Variants in DMD observed in about 807,000 individuals in gnomAD.
The protein encoded by DMD is mutant dystrophin.
DMD carries 63 observed loss-of-function variants against 330.1 expected under a neutral mutation model. That is an observed-to-expected ratio of 0.19 (90% CI 0.16 to 0.24). The LOEUF is 0.24. Ranked by LOEUF, DMD falls within the 10% of genes least tolerant of loss-of-function variation. The probability of loss-of-function intolerance (pLI) is 1.00; values close to 1 mark genes in which losing one functional copy is unlikely to be tolerated. For missense variants in DMD, 3,344 were observed against 2,684.1 expected (o/e 1.25, Z -5.43); for synonymous variants, 1,223 against 959.8 (o/e 1.27, Z -5.07).
intron 44 of DMD, among the ~76,000 whole-genome samples, chrX:32,092,953 C>T (rs1360377420): frequency 9.1e-6 from 1 of 110,174 alleles, no homozygotes; most frequent in African/African-American, 3.3e-5. Flanking sequence ...TTCATTGTTT[C>T]TATTGCTCCC....
At chrX:32,018,559 A>C (rs1000194085) in intron 44 of DMD, among the ~76,000 whole-genome samples, 8 of 112,065 alleles carry the variant, frequency 7.1e-5, no homozygotes, top group African/African-American at 2.3e-4. Flanking sequence ...CCTAAGGCCA[A>C]TTCAGATCCT....
At chrX:33,030,439 T>C (rs2094088142) in intron 1 of DMD, among the ~76,000 whole-genome samples, 2 of 112,202 alleles carry the variant, frequency 1.8e-5, no homozygotes, top group Admixed American at 1.9e-4. Context: ...GATATTTCTG[T>C]GGTGCATTAT....
At chrX:31,511,710 C>T (rs2071617331) in intron 55 of DMD, among the ~76,000 whole-genome samples, 1 of 108,745 alleles carries the variant, frequency 9.2e-6, no homozygotes, top group Non-Finnish European at 1.9e-5. Flanking sequence ...ATATGTGCCA[C>T]ATTTTCTTAA....
intron 1 of DMD, among the ~76,000 whole-genome samples, chrX:33,191,907 C>T (rs1182074619): frequency 5.4e-5 from 6 of 112,032 alleles, no homozygotes; most frequent in African/African-American, 1.9e-4. Context: ...ATTCAGTCAT[C>T]GTTAAGCAAC....
intron 1 of DMD, among the ~76,000 whole-genome samples, chrX:33,059,954 T>C (rs1321598843): frequency 2.7e-5 from 3 of 112,183 alleles, no homozygotes; most frequent in Admixed American, 1.9e-4. Flanking sequence ...CTGCCAGTGA[T>C]ACCCAGCCAA....
chrX:32,822,172 C>A (rs1480925152), intron 5 of DMD, among the ~76,000 whole-genome samples: 2 of 111,639 alleles, frequency 1.8e-5, no homozygotes, highest in Admixed American at 9.5e-5. Context: ...ATATGATACA[C>A]CTCAAATAAA....
At chrX:32,038,190 A>G (rs1230685947) in intron 44 of DMD, among the ~76,000 whole-genome samples, 1 of 111,818 alleles carries the variant, frequency 8.9e-6, no homozygotes, top group Non-Finnish European at 1.9e-5. Flanking sequence ...TCCTCATATA[A>G]TAATAGTAGA....
chrX:32,744,327 T>A (rs1324370579), intron 7 of DMD, among the ~76,000 whole-genome samples: 1 of 110,926 alleles, frequency 9.0e-6, no homozygotes, highest in Non-Finnish European at 1.9e-5. Context: ...ACTTAATTAT[T>A]CCTCTCATGA....
intron 74 of DMD, among the ~76,000 whole-genome samples, chrX:31,150,040 G>GAGT (rs1402067417): frequency 4.5e-5 from 5 of 111,837 alleles, no homozygotes; most frequent in African/African-American, 1.6e-4. Flanking sequence ...TGGAAAGATG[G>GAGT]AGTCTCTAAA....
chrX:32,664,238 G>GTTTTTTT (rs59135933), intron 9 of DMD, among the ~76,000 whole-genome samples: 2 of 86,862 alleles, frequency 2.3e-5, no homozygotes, highest in African/African-American at 4.4e-5. Context: ...CCTGGCATAG[G>GTTTTTTT]TTTTTTTTTT....
At chrX:32,110,623 T>C (rs749662062) in intron 44 of DMD, among the ~76,000 whole-genome samples, 2 of 111,323 alleles carry the variant, frequency 1.8e-5, no homozygotes, top group Non-Finnish European at 3.8e-5. Context: ...TAATAGCATT[T>C]ATAGGATGAG....
chrX:33,329,706 G>C (rs112309733), intron 1 of DMD, among the ~76,000 whole-genome samples: 78 of 111,560 alleles, frequency 7.0e-4, no homozygotes, highest in African/African-American at 2.4e-3. Context: ...GGAACTGTCT[G>C]TCCTAATCAA....
intron 27 of DMD, among the ~76,000 whole-genome samples, 186 bp downstream of exon 27, chrX:32,448,270 T>G (rs1398142125): frequency 2.7e-5 from 3 of 111,097 alleles, no homozygotes; most frequent in Non-Finnish European, 5.7e-5. Context: ...TTATGTCTAG[T>G]TGACAGATTG....
At chrX:32,648,037 G>A (rs2059894227) in intron 9 of DMD, among the ~76,000 whole-genome samples, 1 of 111,884 alleles carries the variant, frequency 8.9e-6, no homozygotes, top group Non-Finnish European at 1.9e-5. Flanking sequence ...TAATACTCAA[G>A]TAACACAATA....
upstream of DMD, among the ~76,000 whole-genome samples, chrX:33,214,596 A>G (rs2052018535): frequency 8.9e-6 from 1 of 111,898 alleles, no homozygotes; most frequent in Non-Finnish European, 1.9e-5. Context: ...GATTGCACAA[A>G]AAAAGGAAAA....
At chrX:31,556,751 A>T (rs1395150690) in intron 55 of DMD, among the ~76,000 whole-genome samples, 1 of 112,332 alleles carries the variant, frequency 8.9e-6, no homozygotes, top group Non-Finnish European at 1.9e-5. Flanking sequence ...ATGCAAAAAT[A>T]AATTTAGATC....
chrX:32,520,204 G>A (rs1219196287), intron 17 of DMD, among the ~76,000 whole-genome samples: 1 of 111,102 alleles, frequency 9.0e-6, no homozygotes, highest in Non-Finnish European at 1.9e-5. Flanking sequence ...TGACTATCAG[G>A]TTCCTGTTTC....
chrX:32,428,243 G>A (rs2098221245), intron 29 of DMD, among the ~76,000 whole-genome samples: 1 of 111,520 alleles, frequency 9.0e-6, no homozygotes, highest in African/African-American at 3.3e-5. Flanking sequence ...TCGGTTCTAT[G>A]AATTTTAACC....
chrX:31,875,492 G>T, intron 47 of DMD, 119 bp from the exon 48 acceptor site: 1 of 564,453 alleles, frequency 1.8e-6, no homozygotes, highest in Non-Finnish European at 2.8e-6. Flanking sequence ...ACTGATTTGT[G>T]TTATTTTAGC....
Sources: allele counts gnomAD v4.1 joint callset (sites outside exome capture counted in the v4.1 genomes callset), GRCh38; gene constraint gnomAD v4.1.1; transcripts MANE v1.5; gene names NCBI Gene and HGNC (gene_info 2026-07-23, HGNC 2026-07-21).